Variants in METTL25 observed in about 807,000 individuals in gnomAD.
The protein encoded by METTL25 is methyltransferase like 25.
METTL25 carries 64 observed loss-of-function variants against 71.6 expected under a neutral mutation model. The ratio of observed to expected loss-of-function variants is 0.89; its 90% CI spans 0.73 to 1.10. The LOEUF (loss-of-function observed/expected upper bound fraction) is 1.10. METTL25 is among the 50% of genes least tolerant of loss of function. The pLI, the probability that METTL25 is intolerant of heterozygous loss-of-function variation, is 0.00. For synonymous variants in METTL25, 287 were observed against 250.3 expected, an observed-to-expected ratio of 1.15 and a Z score of -1.38; for missense variants, 807 against 707.0, an observed-to-expected ratio of 1.14 and a Z score of -1.60.
intron 3 of METTL25, among the ~76,000 whole-genome samples, chr12:82,391,404 A>G (rs1207161944): frequency 6.6e-6 from 1 of 152,064 alleles, no homozygotes; most frequent in East Asian, 1.9e-4. Flanking sequence ...ATCACTGTGT[A>G]AGATTTATTT....
At chr12:82,409,589 G>A (rs1327205164) in intron 5 of METTL25, among the ~76,000 whole-genome samples, 1 of 151,966 alleles carries the variant, frequency 6.6e-6, no homozygotes, top group Non-Finnish European at 1.5e-5. Flanking sequence ...TTGCTACTGG[G>A]AGCAACTCTT....
intron 8 of METTL25, among the ~76,000 whole-genome samples, chr12:82,444,530 ACG>A (rs1192030268): frequency 1.3e-5 from 2 of 152,190 alleles, no homozygotes; most frequent in Non-Finnish European, 2.9e-5. Context: ...TAAATGTGAT[ACG>A]CCACGCAATT....
intron 1 of METTL25, among the ~76,000 whole-genome samples, chr12:82,382,496 T>C (rs901742434): frequency 3.9e-5 from 6 of 152,188 alleles, no homozygotes; most frequent in African/African-American, 1.4e-4. Context: ...TTAGGAGAAT[T>C]TATTTTCCTT....
intron 9 of METTL25, among the ~76,000 whole-genome samples, chr12:82,471,640 G>T (rs1040286308): frequency 6.6e-6 from 1 of 152,186 alleles, no homozygotes; most frequent in Non-Finnish European, 1.5e-5. Context: ...TCTATTAGAT[G>T]TAATCATTTC....
intron 5 of METTL25, among the ~76,000 whole-genome samples, chr12:82,405,422 C>G (rs1887010727): frequency 6.6e-6 from 1 of 151,924 alleles, no homozygotes; most frequent in Non-Finnish European, 1.5e-5. Flanking sequence ...ATTTAGGTGA[C>G]TATCATTATT....
At chr12:82,390,253 C>T (rs1592634317) in intron 3 of METTL25, among the ~76,000 whole-genome samples, 1 of 152,060 alleles carries the variant, frequency 6.6e-6, no homozygotes, top group African/African-American at 2.4e-5. Flanking sequence ...GGATGACATT[C>T]TGCAAAACTG....
At chr12:82,462,699 G>T (rs986176377) in intron 9 of METTL25, among the ~76,000 whole-genome samples, 2 of 152,014 alleles carry the variant, frequency 1.3e-5, no homozygotes, top group African/African-American at 4.8e-5. Flanking sequence ...TTCAAGCACT[G>T]AATTTTTCAC....
chr12:82,421,557 G>T (rs1015287135), intron 5 of METTL25, among the ~76,000 whole-genome samples: 4 of 151,828 alleles, frequency 2.6e-5, no homozygotes, highest in Non-Finnish European at 1.5e-5. Context: ...GATAAGGCAA[G>T]AAATAACTAA....
At position 82,447,125 on chromosome 12, in the gene METTL25, T is replaced by G. The variant is rs1004532560; in HGVS notation, c.1478+8334T>G. Among the ~76,000 whole-genome samples the G allele has an allele frequency of 2.6e-5, 4 of 151,558 alleles. No individual in the cohort carries two copies. In the South Asian group the frequency reaches 8.3e-4, roughly 31 times the overall value. On this transcript the variant is annotated intron_variant, in intron 8 of 11. Coordinates refer to ENST00000248306, the MANE Select transcript of METTL25 (RefSeq NM_032230.3). ...GAAATAATCAAGATCAGAGCATAAA[T>G]AAATAAAATTGAGACTGAAAAAAAA...
chr12:82,417,808 G>A (rs1415842170), intron 5 of METTL25, among the ~76,000 whole-genome samples: 2 of 152,088 alleles, frequency 1.3e-5, no homozygotes, highest in African/African-American at 4.8e-5. Flanking sequence ...GAGGCATGCT[G>A]TTTTATATAG....
At chr12:82,439,982 A>T (rs1310728665) in intron 8 of METTL25, 1 of 205,634 alleles carries the variant, frequency 4.9e-6, no homozygotes, top group African/African-American at 2.4e-5. Context: ...TAGTATTCAG[A>T]AGACAGCTCG....
At chr12:82,397,018 GT>G (rs1886142634) in intron 3 of METTL25, among the ~76,000 whole-genome samples, 1 of 151,896 alleles carries the variant, frequency 6.6e-6, no homozygotes, top group African/African-American at 2.4e-5. Context: ...CATTTGAGTT[GT>G]TTCTATTTTT....
intron 1 of METTL25, among the ~76,000 whole-genome samples, chr12:82,383,179 TTTTC>T (rs1165595605): frequency 6.6e-6 from 1 of 151,966 alleles, no homozygotes; most frequent in Non-Finnish European, 1.5e-5. Context: ...TCCCTAATGC[TTTTC>T]TTTCTTTTTG....
chr12:82,400,169 A>G (rs905637902), intron 4 of METTL25, among the ~76,000 whole-genome samples: 1 of 151,684 alleles, frequency 6.6e-6, no homozygotes, highest in African/African-American at 2.4e-5. Context: ...TAAAAATACA[A>G]AAAAAAATAT....
intron 1 of METTL25, among the ~76,000 whole-genome samples, chr12:82,370,050 C>T (rs573453222): frequency 7.2e-5 from 11 of 152,272 alleles, no homozygotes; most frequent in African/African-American, 2.4e-4. Flanking sequence ...CCTCTCAATC[C>T]CCCCTCTAAA....
chr12:82,424,935 C>G (rs977403951), intron 5 of METTL25, among the ~76,000 whole-genome samples: 2 of 151,974 alleles, frequency 1.3e-5, no homozygotes, highest in Non-Finnish European at 2.9e-5. Context: ...TGTGGCCTAG[C>G]CAACAGCTTG....
chr12:82,386,222 T>A (rs1476950875), intron 1 of METTL25, among the ~76,000 whole-genome samples: 1 of 152,122 alleles, frequency 6.6e-6, no homozygotes, highest in Non-Finnish European at 1.5e-5. Flanking sequence ...CAAGTCTGCA[T>A]CATCCAAATG....
intron 1 of METTL25, among the ~76,000 whole-genome samples, chr12:82,369,121 T>C (rs1340298800): frequency 6.6e-6 from 1 of 152,198 alleles, no homozygotes; most frequent in African/African-American, 2.4e-5. Context: ...CCTACTCCCA[T>C]CTATATAATA....
At chr12:82,446,724 C>G (rs1890776250) in intron 8 of METTL25, among the ~76,000 whole-genome samples, 1 of 149,614 alleles carries the variant, frequency 6.7e-6, no homozygotes, top group Non-Finnish European at 1.5e-5. Context: ...TCAAGCTATT[C>G]TCCTGCCTCA....
Sources: allele counts gnomAD v4.1 joint callset (sites outside exome capture counted in the v4.1 genomes callset), GRCh38; gene constraint gnomAD v4.1.1; transcripts MANE v1.5; gene names NCBI Gene and HGNC (gene_info 2026-07-23, HGNC 2026-07-21).